PITX3: variants seen among roughly 807,000 people sequenced by gnomAD.
PITX3 encodes pituitary homeobox 3.
A neutral mutation model predicts 14.2 loss-of-function variants in PITX3; 4 were observed. The observed-to-expected ratio is 0.28, with a 90% CI of 0.14 to 0.65. The LOEUF (loss-of-function observed/expected upper bound fraction) is 0.65. Among genes scored for constraint, PITX3 ranks in the 30% least tolerant of loss-of-function variants. PITX3 has a pLI of 0.82. For synonymous variants in PITX3, 194 were observed against 204.5 expected (o/e 0.95, Z 0.44); for missense variants, 358 against 426.8 (o/e 0.84, Z 1.42).
intron 1 of PITX3, among the ~76,000 whole-genome samples, chr10:102,233,220 T>C (rs529340331): frequency 3.3e-5 from 5 of 152,108 alleles, no homozygotes; most frequent in Admixed American, 1.3e-4. Context: ...GGTTCTAGCC[T>C]GGCCTTGCTT....
chr10:102,234,627 G>A (rs2070336610), intron 1 of PITX3, among the ~76,000 whole-genome samples: 1 of 152,110 alleles, frequency 6.6e-6, no homozygotes. Context: ...GTGCTCTGAA[G>A]TCTCCCCTTA....
chr10:102,231,743 C>T lies in PITX3; in HGVS notation c.166G>A (p.Gly56Ser), dbSNP rs1713141346. Reference sequence around the variant, plus strand: ...CGCCGCTGCTTCTTTTTCAGCGAACCGTCCTCTGGGGAGCCGCCGGGCAGC... The same window carrying T: ...CGCCGCTGCTTCTTTTTCAGCGAACTGTCCTCTGGGGAGCCGCCGGGCAGC... ...ASLPGGSPED[G>S]SLKKKQRRQR... The change falls in exon 3 of 4, where the codon GGT (glycine) becomes AGT (serine). Residue 56 changes from glycine to serine, a missense_variant. Physicochemically the swap from Gly to Ser is moderately conservative, Grantham distance 56. Transcript: ENST00000370002. The T allele has an allele frequency of 6.2e-7, 1 of 1,609,518 alleles. No homozygotes were observed. The highest frequency in any genetic ancestry group is 1.7e-5 in the Admixed American group (1 of 59,450).
intron 3 of PITX3, 29 bp downstream of exon 3, chr10:102,231,559 G>T (rs1430978425): frequency 2.1e-5 from 31 of 1,455,854 alleles, no homozygotes; most frequent in Non-Finnish European, 2.7e-5. Flanking sequence ...GGCCCGCGCG[G>T]GTGCGAGTCG....
chr10:102,235,377 C>G (rs1274354252), intron 1 of PITX3, among the ~76,000 whole-genome samples: 1 of 152,060 alleles, frequency 6.6e-6, no homozygotes, highest in African/African-American at 2.4e-5. Context: ...AGGCCCCTCT[C>G]AGGAAAGTCA....
Position 102,231,718 on chromosome 10 carries a change from C to A in PITX3, c.191G>T (p.Arg64Leu). The change falls in exon 3 of 4, where the codon CGG (arginine) becomes CTG (leucine). Residue 64 changes from arginine to leucine, a missense_variant. Arg to Leu is a moderately radical substitution (Grantham distance 102, BLOSUM62 -2). This residue lies in a region of PITX3 where 50 missense variants were observed against 96.7 expected (regional missense o/e 0.52). Coordinates refer to ENST00000370002, the MANE Select transcript of PITX3 (RefSeq NM_005029.4). ...CTGGCTGGTGAAGTGCGTGCGCTGC[C>A]GCCGCTGCTTCTTTTTCAGCGAACC... ...EDGSLKKKQR[R>L]QRTHFTSQQL... The A allele has an allele frequency of 6.2e-7, 1 of 1,610,048 alleles. No homozygotes were observed. Among genetic ancestry groups the A allele is most frequent in the South Asian group, 1.1e-5 (1 of 90,562 alleles).
chr10:102,233,820 A>T (rs2070317770), intron 1 of PITX3, among the ~76,000 whole-genome samples: 1 of 152,046 alleles, frequency 6.6e-6, no homozygotes, highest in Non-Finnish European at 1.5e-5. Flanking sequence ...TCCTACTCAT[A>T]CTTCCTTTCC....
intron 1 of PITX3, among the ~76,000 whole-genome samples, chr10:102,236,301 C>T (rs1192232955): frequency 6.6e-6 from 1 of 152,174 alleles, no homozygotes; most frequent in Non-Finnish European, 1.5e-5. Context: ...CTGGAAGCCG[C>T]AGGATTGGTT....
chr10:102,238,729 C>G (rs2070463673), intron 1 of PITX3, among the ~76,000 whole-genome samples: 1 of 152,146 alleles, frequency 6.6e-6, no homozygotes, highest in African/African-American at 2.4e-5. Context: ...AGTGCCTATC[C>G]CCATTACACC....
intron 1 of PITX3, among the ~76,000 whole-genome samples, chr10:102,235,038 A>G (rs1038648203): frequency 2.6e-5 from 4 of 152,282 alleles, no homozygotes; most frequent in African/African-American, 9.6e-5. Flanking sequence ...AGCTAGGGGC[A>G]CACAAACACA....
Position 102,231,780 on chromosome 10 carries a change from CT to C in PITX3, c.128del (p.Lys43ArgfsTer16). The stretch of plus-strand genomic sequence containing the variant: ...AGCCGCCGGGCAGCGAAGCCGAGGC[CT>C]TTTCTGAGTCTGGGGGCCAGGGTGG... ...CKGQEHSDSE[K>X]ASASLPGGSP... On this transcript the variant is annotated frameshift_variant, in exon 3 of 4. Transcript: ENST00000370002. LOFTEE classifies it high-confidence loss of function. 1 of 1,602,778 alleles carries C rather than the reference CT, an allele frequency of 6.2e-7. No homozygotes were observed.
intron 1 of PITX3, among the ~76,000 whole-genome samples, chr10:102,236,533 C>T (rs1459340146): frequency 2.0e-5 from 3 of 152,176 alleles, no homozygotes; most frequent in Non-Finnish European, 2.9e-5. Flanking sequence ...TTCTGTAGTA[C>T]AGGCTGGAAT....
rs1327232908 is a variant in PITX3, at chr10:102,230,580, A to G, written c.843T>C (p.Ala281=). Residue 281 remains alanine, a synonymous_variant, in exon 4 of 4, where the codon GCT becomes GCC. Transcript: ENST00000370002. ...AKQHASFSYP[A]VHGPPPAANL... ...TGGCTGCCGGGGGCGGCCCGTGCAC[A>G]GCGGGGTAGCTGAAGGAGGCGTGCT... 1.1e-5 allele frequency: 18 copies of G among 1,611,656 alleles called. No homozygotes were observed. Among genetic ancestry groups the G allele is most frequent in the Non-Finnish European group, 1.4e-5 (17 of 1,179,178 alleles).
chr10:102,231,970 C>T lies in PITX3; in HGVS notation c.111G>A (p.Glu37=). 1 of 1,608,872 alleles carries T rather than the reference C, an allele frequency of 6.2e-7. No homozygotes were observed. The highest frequency in any genetic ancestry group is 8.5e-7 in the Non-Finnish European group (1 of 1,178,006). Residue 37 remains glutamate, a synonymous_variant, in exon 2 of 4, where the codon GAG becomes GAA. Transcript: ENST00000370002. ...QLPEHGCKGQ[E]HSDSEKASAS... ...GGAAGGGGGCGCGCTTACCGCTGTGCTCCTGGCCCTTGCAGCCGTGCTCTG... is the reference window on the plus strand; with the variant it reads ...GGAAGGGGGCGCGCTTACCGCTGTGTTCCTGGCCCTTGCAGCCGTGCTCTG...
Position 102,230,534 on chromosome 10 carries a change from C to T in PITX3, c.889G>A (p.Ala297Thr), listed in dbSNP as rs1195106901. The change falls in exon 4 of 4, where the codon GCC becomes ACC. Residue 297 changes from alanine to threonine, a missense_variant. Physicochemically the swap from Ala to Thr is moderately conservative, Grantham distance 58. Transcript: ENST00000370002. ...PAANLSPCQYAVERPV is the reference protein window; with the variant it reads ...PAANLSPCQYTVERPV The stretch of plus-strand genomic sequence containing the variant: ...GCCGCTCATACGGGCCTTTCCACGG[C>T]GTACTGGCACGGACTAAGGTTGGCT... 1.2e-6 allele frequency: 2 copies of T among 1,609,782 alleles called. No individual in the cohort carries two copies. The highest frequency in any genetic ancestry group is 1.7e-6 in the Non-Finnish European group (2 of 1,178,590).
chr10:102,231,012 G>T lies in PITX3; in HGVS notation c.411C>A (p.Leu137=). The T allele has an allele frequency of 6.3e-7, 1 of 1,597,610 alleles. No homozygotes were observed. Among genetic ancestry groups the T allele is most frequent in the Non-Finnish European group, 8.5e-7 (1 of 1,174,166 alleles). The change falls in exon 4 of 4, where the codon CTC becomes CTA. Residue 137 remains leucine (L), a synonymous_variant. Coordinates refer to ENST00000370002, the MANE Select transcript of PITX3 (RefSeq NM_005029.4). ...ELCKGSFAAP[L]GGLVPPYEEV... ...CCTCGTAGGGCGGCACCAGCCCCCC[G>T]AGCGGCGCCGCGAAGCTGCCTTTGC...
At position 102,230,958 on chromosome 10, in the gene PITX3, G is replaced by T. The variant is rs1416031450; in HGVS notation, c.465C>A (p.Asn155Lys). Reference protein sequence around the residue: ...EEVYPGYSYGNWPPKALAPPL... With the variant: ...EEVYPGYSYGKWPPKALAPPL... ...GCGGGGCAAGAGCCTTGGGCGGCCAGTTGCCGTACGAGTAGCCGGGGTACA... is the reference window on the plus strand; with the variant it reads ...GCGGGGCAAGAGCCTTGGGCGGCCATTTGCCGTACGAGTAGCCGGGGTACA... The change falls in exon 4 of 4, where the codon AAC becomes AAA. Residue 155 changes from asparagine (N) to lysine (K), a missense_variant. Coordinates refer to ENST00000370002, the MANE Select transcript of PITX3 (RefSeq NM_005029.4). 1 of 1,608,358 alleles carries T rather than the reference G, an allele frequency of 6.2e-7. No homozygotes were observed. Among genetic ancestry groups the T allele is most frequent in the Non-Finnish European group, 8.5e-7 (1 of 1,178,146 alleles).
At position 102,231,119 on chromosome 10, in the gene PITX3, A is replaced by G; in HGVS notation, c.322-18T>C. The G allele has an allele frequency of 1.3e-6, 2 of 1,517,554 alleles. No individual in the cohort carries two copies. The highest frequency in any genetic ancestry group is 1.8e-6 in the Non-Finnish European group (2 of 1,140,270). The allele number at this position is 1,517,554 out of a possible 1,614,324, so 94.0% of individuals were successfully genotyped here. A position where few individuals can be genotyped will look rare whatever the true frequency, so the allele number is the denominator to read the frequency against. On this transcript the variant is annotated intron_variant, in intron 3 of 3. Coordinates refer to ENST00000370002, the MANE Select transcript of PITX3 (RefSeq NM_005029.4). ...AACCACACCTGCGGGCACGGGAGAAAGGCGGTCAGGGCCCGGGGCCGGGTC... is the reference window on the plus strand; with the variant it reads ...AACCACACCTGCGGGCACGGGAGAAGGGCGGTCAGGGCCCGGGGCCGGGTC...
intron 1 of PITX3, among the ~76,000 whole-genome samples, chr10:102,236,504 G>A (rs1057331062): frequency 5.9e-5 from 9 of 152,176 alleles, no homozygotes; most frequent in African/African-American, 2.2e-4. Context: ...AGTACAGAGG[G>A]CCTACAGGTA....
chr10:102,233,304 C>CTTTTTTTTTTTTT (rs35379060), intron 1 of PITX3, among the ~76,000 whole-genome samples: 1 of 107,908 alleles, frequency 9.3e-6, no homozygotes, highest in Non-Finnish European at 1.8e-5. Context: ...TTTTTTCCTT[C>CTTTTTTTTTTTTT]TTTTTTTTTT....
Sources: allele counts gnomAD v4.1 joint callset (sites outside exome capture counted in the v4.1 genomes callset), GRCh38; gene constraint gnomAD v4.1.1; regional missense constraint gnomAD v4.1.1; transcripts MANE v1.5; gene names NCBI Gene and HGNC (gene_info 2026-07-23, HGNC 2026-07-21).